The following CLDN19 variants were observed in gnomAD, a reference collection of about 807,000 sequenced individuals.
The protein encoded by CLDN19 is claudin 19, also known as claudin-19.
Under a neutral mutation model 24.5 loss-of-function variants are expected in CLDN19, and 19 were observed. The ratio of observed to expected loss-of-function variants is 0.78; its 90% CI spans 0.54 to 1.14. The LOEUF (loss-of-function observed/expected upper bound fraction) is 1.14, where lower values mean the gene tolerates loss of function less well. Among genes scored for constraint, CLDN19 ranks in the 50% most tolerant of loss-of-function variants. CLDN19 has a pLI of 0.00. For synonymous variants in CLDN19, 117 were observed against 129.6 expected (o/e 0.90, Z 0.66); for missense variants, 250 against 295.9 (o/e 0.84, Z 1.14).
In CLDN19 at chr1:42,735,669, G is replaced by C. The variant is rs1320998903; in HGVS notation, c.626+209C>G. The C allele has an allele frequency of 7.6e-6, 11 of 1,440,898 alleles. No homozygotes were observed. The South Asian group carries it at 8.8e-5, about 12-fold the overall frequency. The allele number at this position is 1,440,898 out of a possible 1,614,324, so 89.3% of individuals were successfully genotyped here. A position where few individuals can be genotyped will look rare whatever the true frequency, so the allele number is the denominator to read the frequency against. ...TGGACCTGCATCTGTGTGTATGCCT[G>C]GGGGCTGGGTCCTGCCTCTGGTGTC... On this transcript the variant is annotated intron_variant, in intron 4 of 4. Coordinates refer to ENST00000296387, the MANE Select transcript of CLDN19 (RefSeq NM_148960.3).
rs773544283 is a variant in CLDN19, at chr1:42,740,000, T to C, written c.64A>G (p.Ile22Val). 1.3e-6 allele frequency: 2 copies of C among 1,581,870 alleles called. No individual in the cohort carries two copies. Among genetic ancestry groups the C allele is most frequent in the Admixed American group, 1.8e-5 (1 of 55,302 alleles). Residue 22 changes from isoleucine to valine, a missense_variant, in exon 1 of 5, where the codon ATT (isoleucine) becomes GTT (valine). Coordinates refer to ENST00000296387, the MANE Select transcript of CLDN19 (RefSeq NM_148960.3). ...CACTGTGGCAGGGCTGTGCTAGCAA[T>C]GATGCCCACCCAGCCACCCAGGGCC... The part of the protein sequence containing the change: ...FLALGGWVGI[I>V]ASTALPQWKQ...
intron 1 of CLDN19, among the ~76,000 whole-genome samples, chr1:42,739,395 T>C (rs1651478225): frequency 6.6e-6 from 1 of 152,044 alleles, no homozygotes; most frequent in South Asian, 2.1e-4. Flanking sequence ...CGTGTTTGCA[T>C]GCATGTGCAT....
chr1:42,734,236 C>T lies in CLDN19; in HGVS notation c.*850G>A, dbSNP rs1225184734. The T allele has an allele frequency of 6.6e-6, 1 of 152,316 alleles. No individual in the cohort carries two copies. The highest frequency in any genetic ancestry group is 1.5e-5 in the Non-Finnish European group (1 of 68,180). The allele number at this position is 152,316 out of a possible 1,614,324, so 9.4% of individuals were successfully genotyped here. A position where few individuals can be genotyped will look rare whatever the true frequency, so the allele number is the denominator to read the frequency against. ...CCTCTCAGGCCCTTCCCCCTGTATG[C>T]TAAGGGGGGATGGTACCTGGACTTC... On this transcript the variant is annotated 3_prime_UTR_variant, in exon 5 of 5. Transcript: ENST00000296387.
At chr1:42,738,080 G>A in intron 3 of CLDN19, 149 bp downstream of exon 3, 1 of 749,126 alleles carries the variant, frequency 1.3e-6, no homozygotes, top group Non-Finnish European at 2.4e-6. Context: ...CCTATGGAGG[G>A]CCCCACCACA....
intron 3 of CLDN19, 81 bp downstream of exon 3, chr1:42,738,148 T>G: frequency 8.4e-7 from 1 of 1,191,730 alleles, no homozygotes; most frequent in Non-Finnish European, 1.3e-6. Flanking sequence ...CTGTCCCCAC[T>G]TCCCCCGCCA....
In CLDN19 at chr1:42,739,729, C is replaced by T. The variant is rs568237335; in HGVS notation, c.223+112G>A. ...GGGCAGTAGTGGGGGAATTGTAGAG[C>T]GGAGGCTGGAGGTTGGAGCCCAGCG... On this transcript the variant is annotated intron_variant, in intron 1 of 4. Transcript: ENST00000296387. The T allele has an allele frequency of 4.6e-4, 403 of 878,132 alleles. 1 individual carries two copies. The highest frequency in any genetic ancestry group is 2.9e-3 in the Middle Eastern group (9 of 3,092). 54.4% of individuals were successfully genotyped at this position (878,132 alleles called of 1,614,324 possible). A position where few individuals can be genotyped will look rare whatever the true frequency, so the allele number is the denominator to read the frequency against.
chr1:42,738,480 CT>C lies in CLDN19; in HGVS notation c.328del (p.Ser110AlafsTer25). ...AACACGGCCCTTGGCAATGGGGTTG[CT>C]GTCTCCCACCCGCGTACACTTCATG... ...VGMKCTRVGD[S>X]NPIAKGRVAI... is the part of the protein sequence containing the mutation. On this transcript the variant is annotated frameshift_variant, in exon 2 of 5. Coordinates refer to ENST00000296387, the MANE Select transcript of CLDN19 (RefSeq NM_148960.3). LOFTEE classifies it high-confidence loss of function. 6.2e-7 allele frequency: 1 copy of C among 1,614,064 alleles called. No homozygotes were observed. Among genetic ancestry groups the C allele is most frequent in the Non-Finnish European group, 8.5e-7 (1 of 1,180,036 alleles).
chr1:42,735,384 G>C, intron 4 of CLDN19: 1 of 1,430,396 alleles, frequency 7.0e-7, no homozygotes, highest in Non-Finnish European at 9.1e-7. Flanking sequence ...CCCTGTCCTT[G>C]TGTGAACGTT....
chr1:42,737,810 G>C (rs1159867998), intron 3 of CLDN19, among the ~76,000 whole-genome samples: 1 of 152,216 alleles, frequency 6.6e-6, no homozygotes, highest in African/African-American at 2.4e-5. Flanking sequence ...TGCCTCCCGA[G>C]TAGCTGAGAT....
intron 3 of CLDN19, among the ~76,000 whole-genome samples, chr1:42,736,766 C>T (rs1451964803): frequency 6.6e-6 from 1 of 152,236 alleles, no homozygotes; most frequent in Non-Finnish European, 1.5e-5. Flanking sequence ...TGGGAAGCCC[C>T]TTGAGGGCAG....
intron 3 of CLDN19, among the ~76,000 whole-genome samples, chr1:42,736,749 G>T (rs10890211): frequency 0.49 from 74,084 of 152,084 alleles, 18,295 homozygotes; most frequent in South Asian, 0.64. Context: ...TTGCTTGTCC[G>T]GCTCCCTGGG....
intron 4 of CLDN19, 59 bp downstream of exon 4, chr1:42,735,819 G>A (rs750160816): frequency 2.6e-6 from 4 of 1,551,986 alleles, no homozygotes; most frequent in Middle Eastern, 3.4e-4. Context: ...CTGGCTGGAT[G>A]CTGGGCAAGG....
In CLDN19 at chr1:42,735,877, C is replaced by T. The variant is rs774289795; in HGVS notation, c.626+1G>A. The T allele has an allele frequency of 1.9e-6, 3 of 1,575,646 alleles. No individual in the cohort carries two copies. The South Asian group carries it at 3.5e-5, about 18-fold the overall frequency. On this transcript the variant is annotated splice_donor_variant, in intron 4 of 4. Transcript: ENST00000296387. LOFTEE classifies it high-confidence loss of function. ...CCAGGGCAGGCGGAGCTCAGACGTA[C>T]TCTCGGGCAGCAGCAGAGGGTCCAG...
chr1:42,735,234 G>A, intron 4 of CLDN19, 100 bp from the exon 5 acceptor site: 1 of 1,576,652 alleles, frequency 6.3e-7, no homozygotes. Flanking sequence ...GGCCAGCGTG[G>A]CCAGACCTTG....
At chr1:42,735,545 A>G in intron 4 of CLDN19, 1 of 1,416,382 alleles carries the variant, frequency 7.1e-7, no homozygotes, top group Non-Finnish European at 9.2e-7. Context: ...CAGACACCCA[A>G]GCAGCTCTTC....
At chr1:42,735,263 C>T in intron 4 of CLDN19, 129 bp from the exon 5 acceptor site, 1 of 1,546,590 alleles carries the variant, frequency 6.5e-7, no homozygotes, top group Non-Finnish European at 8.7e-7. Context: ...AGCAGCCCTG[C>T]CTGGGGCCCA....
At chr1:42,735,424 G>T (rs994493897) in intron 4 of CLDN19, 2 of 1,419,506 alleles carry the variant, frequency 1.4e-6, no homozygotes, top group Non-Finnish European at 1.8e-6. Flanking sequence ...TTGTGGGGTT[G>T]CTGTGAGGAG....
At position 42,740,081 on chromosome 1, in the gene CLDN19, C is replaced by A; in HGVS notation, c.-18G>T. The stretch of plus-strand genomic sequence containing the variant: ...TTGGCCATGGCCCAGGAGAGAGGAC[C>A]GAGGGTCCCAGGACTCAGAGCTGGG... On this transcript the variant is annotated 5_prime_UTR_variant, in exon 1 of 5. Coordinates refer to ENST00000296387, the MANE Select transcript of CLDN19 (RefSeq NM_148960.3). 1.9e-6 allele frequency: 3 copies of A among 1,544,052 alleles called. No individual in the cohort carries two copies. The highest frequency in any genetic ancestry group is 2.6e-6 in the Non-Finnish European group (3 of 1,142,382).
Position 42,740,101 on chromosome 1 carries a change from G to A in CLDN19, c.-38C>T, listed in dbSNP as rs1651504284. 6.7e-7 allele frequency: 1 copy of A among 1,498,934 alleles called. No individual in the cohort carries two copies. The highest frequency in any genetic ancestry group is 2.0e-5 in the Admixed American group (1 of 50,950). 92.9% of individuals were successfully genotyped at this position (1,498,934 alleles called of 1,614,324 possible). A position where few individuals can be genotyped will look rare whatever the true frequency, so the allele number is the denominator to read the frequency against. ...AGGACCGAGGGTCCCAGGACTCAGA[G>A]CTGGGCCAGGGTGCCAGCAGGGGCT... On this transcript the variant is annotated 5_prime_UTR_variant, in exon 1 of 5. Transcript: ENST00000296387.
Sources: allele counts gnomAD v4.1 joint callset (sites outside exome capture counted in the v4.1 genomes callset), GRCh38; gene constraint gnomAD v4.1.1; transcripts MANE v1.5; gene names NCBI Gene and HGNC (gene_info 2026-07-23, HGNC 2026-07-21).